Variants in TENM3 observed in about 807,000 individuals in gnomAD.
The protein encoded by TENM3 is teneurin transmembrane protein 3, also known as teneurin-3.
A neutral mutation model predicts 255.1 loss-of-function variants in TENM3; 63 were observed. That is an observed-to-expected ratio of 0.25 (90% CI 0.20 to 0.30). The LOEUF (loss-of-function observed/expected upper bound fraction) is 0.30, where lower values mean the gene tolerates loss of function less well. TENM3 is among the 10% of genes least tolerant of loss of function. The pLI is 1.00. For missense variants in TENM3, 2,929 were observed against 3,461.1 expected (o/e 0.85, Z 3.86); for synonymous variants, 1,306 against 1,322.3 (o/e 0.99, Z 0.27).
chr4:182,383,188 C>T (rs778364549), intron 3 of TENM3, among the ~76,000 whole-genome samples: 1 of 152,082 alleles, frequency 6.6e-6, no homozygotes, highest in Non-Finnish European at 1.5e-5. Flanking sequence ...GAGATTCTTG[C>T]TAAACTCACT....
chr4:181,574,515 G>A, the TENM3 span, among the ~76,000 whole-genome samples: 5 of 150,994 alleles, frequency 3.3e-5, no homozygotes, highest in Admixed American at 2.0e-4. Flanking sequence ...TCCGGCCTGG[G>A]CGACAGAGCG....
At chr4:181,485,897 T>A in the TENM3 span, among the ~76,000 whole-genome samples, 1 of 152,240 alleles carries the variant, frequency 6.6e-6, no homozygotes, top group Middle Eastern at 3.4e-3. Flanking sequence ...AAATGTTAAA[T>A]GCAAAGATTT....
the TENM3 span, among the ~76,000 whole-genome samples, chr4:182,117,177 T>C: frequency 1.3e-5 from 2 of 152,240 alleles, no homozygotes; most frequent in African/African-American, 4.8e-5. Flanking sequence ...TTGTATACTT[T>C]GGATAACAGT....
chr4:181,501,912 A>C, the TENM3 span, among the ~76,000 whole-genome samples: 1 of 152,134 alleles, frequency 6.6e-6, no homozygotes, highest in African/African-American at 2.4e-5. Context: ...ATAAGTCAGG[A>C]GGGAAAGAAA....
the TENM3 span, among the ~76,000 whole-genome samples, chr4:181,736,460 C>T: frequency 6.6e-6 from 1 of 151,860 alleles, no homozygotes; most frequent in East Asian, 1.9e-4. Flanking sequence ...TATAGCTTGC[C>T]TTTGGATATA....
the TENM3 span, among the ~76,000 whole-genome samples, chr4:181,643,693 T>C: frequency 6.6e-6 from 1 of 152,116 alleles, no homozygotes; most frequent in Non-Finnish European, 1.5e-5. Flanking sequence ...ATTAGTAAGA[T>C]AAAGAACTCT....
intron 5 of TENM3, among the ~76,000 whole-genome samples, chr4:182,652,814 T>C (rs1006724381): frequency 3.9e-5 from 6 of 152,242 alleles, no homozygotes; most frequent in Admixed American, 1.3e-4. Flanking sequence ...TTTCATGATA[T>C]GGTAATATGA....
At chr4:182,522,359 A>G (rs377723417) in intron 3 of TENM3, among the ~76,000 whole-genome samples, 6 of 152,158 alleles carry the variant, frequency 3.9e-5, no homozygotes, top group African/African-American at 1.4e-4. Context: ...CTTTGCAGCC[A>G]CTGGCAACTG....
chr4:182,060,203 C>T, the TENM3 span, among the ~76,000 whole-genome samples: 3 of 152,214 alleles, frequency 2.0e-5, no homozygotes, highest in South Asian at 6.2e-4. Flanking sequence ...CACCACTGCC[C>T]TCCAGCCTGG....
chr4:182,039,250 A>T, the TENM3 span, among the ~76,000 whole-genome samples: 6 of 152,278 alleles, frequency 3.9e-5, no homozygotes, highest in African/African-American at 1.4e-4. Flanking sequence ...TTTTTCTTTC[A>T]GTAGGGGAAT....
At chr4:181,610,725 T>G in the TENM3 span, among the ~76,000 whole-genome samples, 1 of 151,822 alleles carries the variant, frequency 6.6e-6, no homozygotes, top group Non-Finnish European at 1.5e-5. Flanking sequence ...TGTGTGTCTG[T>G]GTGTGGCTTT....
the TENM3 span, among the ~76,000 whole-genome samples, chr4:182,019,569 A>T: frequency 1.3e-5 from 2 of 152,210 alleles, no homozygotes; most frequent in Non-Finnish European, 2.9e-5. Context: ...TAAAAACCAA[A>T]GTAGTACGTA....
intron 1 of TENM3, among the ~76,000 whole-genome samples, chr4:182,197,203 C>T (rs960169363): frequency 6.6e-5 from 10 of 152,168 alleles, no homozygotes; most frequent in African/African-American, 1.7e-4. Flanking sequence ...CTGCAGCGGG[C>T]GTTCAGTGTT....
Position 182,680,725 on chromosome 4 carries a change from A to G in TENM3, c.1822A>G (p.Ser608Gly), listed in dbSNP as rs1756105992. 6.4e-7 allele frequency: 1 copy of G among 1,563,032 alleles called. No homozygotes were observed. The highest frequency in any genetic ancestry group is 1.2e-5 in the South Asian group (1 of 83,430). Reference sequence around the variant, plus strand: ...TTGCAACTCAGGATACAAAGGAGAAAGTTGTGAAGAAGGTAAACATGTCAA... The same window carrying G: ...TTGCAACTCAGGATACAAAGGAGAAGGTTGTGAAGAAGGTAAACATGTCAA... ...CACNSGYKGE[S>G]CEEADCIDPG... The change falls in exon 10 of 28, where the codon AGT becomes GGT. Residue 608 changes from serine to glycine, a missense_variant. Physicochemically the swap from Ser to Gly is moderately conservative, Grantham distance 56 (BLOSUM62 0). Around this residue, in one of 6 missense-constraint regions of TENM3, gnomAD observed 1,608 missense variants for 1,884.4 expected, o/e 0.85. Coordinates refer to ENST00000511685, the MANE Select transcript of TENM3 (RefSeq NM_001080477.4).
At chr4:182,015,337 C>A in the TENM3 span, among the ~76,000 whole-genome samples, 1 of 152,220 alleles carries the variant, frequency 6.6e-6, no homozygotes, top group African/African-American at 2.4e-5. Context: ...CCTCCAATCG[C>A]CTTTTGTCTT....
chr4:181,475,550 T>C, the TENM3 span, among the ~76,000 whole-genome samples: 2 of 152,188 alleles, frequency 1.3e-5, no homozygotes, highest in African/African-American at 4.8e-5. Context: ...GCATCATAGA[T>C]GCCATTATCT....
chr4:182,263,591 T>A (rs562463925), intron 1 of TENM3, among the ~76,000 whole-genome samples: 33 of 132,400 alleles, frequency 2.5e-4, no homozygotes, highest in African/African-American at 1.3e-3. Context: ...ACATGGGCAA[T>A]TCCCCCCCCT....
chr4:181,950,817 G>A, the TENM3 span, among the ~76,000 whole-genome samples: 1 of 152,136 alleles, frequency 6.6e-6, no homozygotes, highest in African/African-American at 2.4e-5. Flanking sequence ...GAGGCAGGAG[G>A]ATCACTCAAG....
chr4:182,519,404 C>G (rs879655029), intron 3 of TENM3, among the ~76,000 whole-genome samples: 9 of 152,150 alleles, frequency 5.9e-5, no homozygotes, highest in African/African-American at 2.2e-4. Context: ...CATCCCACTA[C>G]TCAGAAATAA....
Sources: gnomAD v4.1 joint callset for allele counts (sites outside exome capture counted in the v4.1 genomes callset) on GRCh38, gnomAD v4.1.1 for gene constraint, gnomAD v4.1.1 regional missense constraint, MANE v1.5 for transcripts, NCBI Gene and HGNC (gene_info 2026-07-23, HGNC 2026-07-21) for gene names.